The following DLGAP1 variants were observed in gnomAD, a reference collection of about 807,000 sequenced individuals.
DLGAP1 encodes the protein disks large-associated protein 1.
A neutral mutation model predicts 90.8 loss-of-function variants in DLGAP1; 11 were observed. The observed-to-expected ratio is 0.12, with a 90% confidence interval of 0.08 to 0.20. DLGAP1 has a LOEUF of 0.20. DLGAP1 is among the 10% of genes least tolerant of loss of function. The pLI, the probability that DLGAP1 is intolerant of heterozygous loss-of-function variation, is 1.00. For synonymous variants in DLGAP1, 558 were observed against 540.7 expected, an observed-to-expected ratio of 1.03 and a Z score of -0.44; for missense variants, 1,050 against 1,333.8, an observed-to-expected ratio of 0.79 and a Z score of 3.31.
chr18:4,059,017 A>G (rs1157982285), intron 2 of DLGAP1, among the ~76,000 whole-genome samples: 1 of 152,248 alleles, frequency 6.6e-6, no homozygotes, highest in African/African-American at 2.4e-5. Context: ...TCTGAGGCTA[A>G]CAGATTACCA....
intron 8 of DLGAP1, chr18:3,580,282 CA>C (rs1185007790): frequency 6.2e-7 from 1 of 1,609,174 alleles, no homozygotes; most frequent in African/African-American, 1.3e-5. Context: ...CAGGCACCAG[CA>C]ATGGCGCAAC....
chr18:3,546,618 G>C (rs1217101303), intron 9 of DLGAP1, among the ~76,000 whole-genome samples: 1 of 150,868 alleles, frequency 6.6e-6, no homozygotes, highest in African/African-American at 2.4e-5. Context: ...TTGGAGACTA[G>C]GTAACACACT....
chr18:4,045,432 CAA>C (rs763466156), intron 2 of DLGAP1, among the ~76,000 whole-genome samples: 283 of 29,148 alleles, frequency 9.7e-3, no homozygotes, highest in African/African-American at 0.028. Flanking sequence ...CCCATCTCTA[CAA>C]AAAAAAAAAA....
intron 1 of DLGAP1, among the ~76,000 whole-genome samples, chr18:4,436,737 T>C (rs2083408846): frequency 6.6e-6 from 1 of 152,186 alleles, no homozygotes; most frequent in African/African-American, 2.4e-5. Context: ...TGTTGACGGG[T>C]AAGTTCCTTC....
chr18:4,087,849 T>C (rs896455372), intron 2 of DLGAP1, among the ~76,000 whole-genome samples: 12 of 141,292 alleles, frequency 8.5e-5, no homozygotes, highest in African/African-American at 3.1e-4. Flanking sequence ...AACTGTGTAG[T>C]TGGGCTTTGC....
chr18:3,848,520 T>G (rs367706885), intron 4 of DLGAP1, among the ~76,000 whole-genome samples: 1 of 152,156 alleles, frequency 6.6e-6, no homozygotes. Context: ...CAACTTCACT[T>G]AGATACTTCA....
chr18:3,880,286 C>A, intron 3 of DLGAP1, 146 bp from the exon 4 acceptor site: 1 of 603,696 alleles, frequency 1.7e-6, no homozygotes, highest in East Asian at 2.8e-5. Flanking sequence ...TGGGCTCAAG[C>A]CATCCTTCCA....
In DLGAP1 at chr18:3,986,712, A is replaced by C. The variant is rs529178761; in HGVS notation, c.-73+18404T>G. ...GTCTCCAGAGTTCCAATTATAGTGT[A>C]GCTATTCTCAGCAGGATTCCAATCC... On this transcript the variant is annotated intron_variant, in intron 3 of 12. Coordinates refer to ENST00000315677, the MANE Select transcript of DLGAP1 (RefSeq NM_004746.4). 6.6e-5 allele frequency: 10 copies of C among 152,344 alleles called. 1 individual carries two copies. Among genetic ancestry groups the C allele is most frequent in the South Asian group, 6.2e-4 (3 of 4,818 alleles). 9.4% of individuals were successfully genotyped at this position (152,344 alleles called of 1,614,324 possible).
intron 1 of DLGAP1, among the ~76,000 whole-genome samples, chr18:4,284,366 T>C (rs1964508129): frequency 1.3e-5 from 2 of 151,524 alleles, no homozygotes; most frequent in Non-Finnish European, 2.9e-5. Flanking sequence ...AGAAACAAAA[T>C]ACAATAGAGG....
At chr18:3,934,513 CA>C (rs2072590897) in intron 3 of DLGAP1, among the ~76,000 whole-genome samples, 1 of 149,872 alleles carries the variant, frequency 6.7e-6, no homozygotes, top group East Asian at 1.9e-4. Flanking sequence ...GAGTGGCAGA[CA>C]GAGAGAGAGA....
chr18:4,030,239 C>T lies in DLGAP1; in HGVS notation c.-158-25038G>A, dbSNP rs1335534012. Reference sequence around the variant, plus strand: ...AATTCTTGACCTTGTGTTCCACCCGCCTTAGCCCAGAAAATATTTTTGTCT... The same window carrying T: ...AATTCTTGACCTTGTGTTCCACCCGTCTTAGCCCAGAAAATATTTTTGTCT... On this transcript the variant is annotated intron_variant, in intron 2 of 12. Transcript: ENST00000315677. 2.0e-5 allele frequency among the ~76,000 whole-genome samples: 3 copies of T among 152,182 alleles called. No individual in the cohort carries two copies. The East Asian group carries it at 5.8e-4, about 29-fold the overall frequency.
intron 5 of DLGAP1, among the ~76,000 whole-genome samples, chr18:3,805,436 G>A (rs1598821413): frequency 1.3e-5 from 2 of 152,292 alleles, no homozygotes; most frequent in South Asian, 4.1e-4. Context: ...AGCAGAGAGA[G>A]GCTGGGGGCG....
At chr18:3,741,904 G>A (rs1473895479) in intron 6 of DLGAP1, among the ~76,000 whole-genome samples, 3 of 151,078 alleles carry the variant, frequency 2.0e-5, no homozygotes, top group South Asian at 2.1e-4. Flanking sequence ...GTGCAGTGAC[G>A]TGATCTCGGT....
At chr18:4,325,652 C>T (rs1174199278) in intron 1 of DLGAP1, among the ~76,000 whole-genome samples, 3 of 151,904 alleles carry the variant, frequency 2.0e-5, no homozygotes, top group Admixed American at 6.6e-5. Flanking sequence ...GCATGGTACT[C>T]GTACAAAAAT....
chr18:3,654,499 AACCAAGCAGGC>A (rs772712532), intron 7 of DLGAP1, among the ~76,000 whole-genome samples: 3 of 152,224 alleles, frequency 2.0e-5, no homozygotes, highest in Non-Finnish European at 4.4e-5. Context: ...ACTGCACTCA[AACCAAGCAGGC>A]AATGTAAAAC....
intron 1 of DLGAP1, among the ~76,000 whole-genome samples, chr18:4,248,033 T>C (rs2078691015): frequency 6.6e-6 from 1 of 152,162 alleles, no homozygotes; most frequent in Non-Finnish European, 1.5e-5. Context: ...TGGCATTTGG[T>C]GCGAGAGATG....
rs2049718040 is a variant in DLGAP1 at position 3,497,042 on chromosome 18, C to T, written c.*2143G>A. ...TCGTATTAGAAATCTATTTCTTAAT[C>T]CAAATCTCAACTCTACCTCAGGGCA... On this transcript the variant is annotated 3_prime_UTR_variant, in exon 13 of 13. Coordinates refer to ENST00000315677, the MANE Select transcript of DLGAP1 (RefSeq NM_004746.4). 1.3e-5 allele frequency: 2 copies of T among 152,068 alleles called. No homozygotes were observed. The highest frequency in any genetic ancestry group is 2.1e-4 in the South Asian group (1 of 4,818). 9.4% of individuals were successfully genotyped at this position (152,068 alleles called of 1,614,324 possible). A position where few individuals can be genotyped will look rare whatever the true frequency, so the allele number is the denominator to read the frequency against.
intron 5 of DLGAP1, among the ~76,000 whole-genome samples, chr18:3,745,954 G>A (rs1441873649): frequency 6.6e-6 from 1 of 152,172 alleles, no homozygotes; most frequent in Non-Finnish European, 1.5e-5. Context: ...CTCCCCAAGT[G>A]CTGGGATTAC....
chr18:3,679,626 C>T (rs1432597043), intron 7 of DLGAP1, among the ~76,000 whole-genome samples: 1 of 148,796 alleles, frequency 6.7e-6, no homozygotes, highest in Non-Finnish European at 1.5e-5. Flanking sequence ...CCGATGAGCT[C>T]CGTGGTAGTT....
Sources: gnomAD v4.1 joint callset for allele counts (sites outside exome capture counted in the v4.1 genomes callset) on GRCh38, gnomAD v4.1.1 for gene constraint, MANE v1.5 for transcripts, NCBI Gene and HGNC (gene_info 2026-07-23, HGNC 2026-07-21) for gene names.